Variants in BUD23 observed in about 807,000 individuals in gnomAD.
BUD23 encodes the protein BUD23 rRNA methyltransferase and ribosome maturation factor.
Under a neutral mutation model 47.0 loss-of-function variants are expected in BUD23, and 34 were observed. The ratio of observed to expected loss-of-function variants is 0.72; its 90% CI spans 0.55 to 0.96. The LOEUF is 0.96. Among genes scored for constraint, BUD23 ranks in the 40% least tolerant of loss-of-function variants. The probability of loss-of-function intolerance (pLI) is 0.00; values close to 1 mark genes in which losing one functional copy is unlikely to be tolerated. For missense variants in BUD23, 343 were observed against 361.2 expected, an observed-to-expected ratio of 0.95 and a Z score of 0.41; for synonymous variants, 124 against 132.0, an observed-to-expected ratio of 0.94 and a Z score of 0.41.
At chr7:73,686,591 C>T in intron 2 of BUD23, 45 bp from the exon 3 acceptor site, 2 of 1,567,216 alleles carry the variant, frequency 1.3e-6, no homozygotes, top group Non-Finnish European at 8.8e-7. Flanking sequence ...GAAGTATTCA[C>T]CCAGAACTCC....
intron 6 of BUD23, among the ~76,000 whole-genome samples, chr7:73,692,003 C>G (rs1352079477): frequency 7.9e-5 from 12 of 152,148 alleles, no homozygotes; most frequent in Admixed American, 7.2e-4. Context: ...ACCTGCCGAT[C>G]TGGCCACTGG....
intron 5 of BUD23, among the ~76,000 whole-genome samples, chr7:73,688,546 C>T (rs1369077547): frequency 2.0e-5 from 3 of 152,192 alleles, no homozygotes; most frequent in Admixed American, 6.5e-5. Context: ...CAACAGATAA[C>T]TGGTAGAGAG....
At chr7:73,686,136 T>G (rs1175398125) in intron 2 of BUD23, among the ~76,000 whole-genome samples, 1 of 152,064 alleles carries the variant, frequency 6.6e-6, no homozygotes, top group East Asian at 1.9e-4. Context: ...TTCTTTTACC[T>G]GTTTCTTTAA....
intron 10 of BUD23, chr7:73,696,293 G>A (rs1190166284): frequency 6.6e-6 from 1 of 152,088 alleles, no homozygotes; most frequent in Non-Finnish European, 1.5e-5. Context: ...TGGGGAGCTG[G>A]GACCCTTCTG....
Position 73,698,134 on chromosome 7 carries a change from GAGGA to G in BUD23, c.*250_*253del. Reference sequence around the variant, plus strand: ...AACATAATGAAACTTCCTTTCCAGGGAGGAAAAAAAAAAAAAAAAAAAGCTCTGA... The same window carrying G: ...AACATAATGAAACTTCCTTTCCAGGGAAAAAAAAAAAAAAAAAAGCTCTGA... On this transcript the variant is annotated 3_prime_UTR_variant, in exon 12 of 12. Coordinates refer to ENST00000265758, the MANE Select transcript of BUD23 (RefSeq NM_017528.5). The G allele has an allele frequency of 1.6e-5, 1 of 63,394 alleles. No homozygotes were observed. Among genetic ancestry groups the G allele is most frequent in the Non-Finnish European group, 3.4e-5 (1 of 29,438 alleles). The allele number at this position is 63,394 out of a possible 1,614,324, so 3.9% of individuals were successfully genotyped here.
At chr7:73,693,952 A>G in intron 9 of BUD23, 40 bp from the exon 10 acceptor site, 4 of 1,609,320 alleles carry the variant, frequency 2.5e-6, no homozygotes, top group Non-Finnish European at 3.4e-6. Flanking sequence ...ATGGTTTGAG[A>G]ACTCTCCAGG....
chr7:73,690,985 CT>C lies in BUD23; in HGVS notation c.438del (p.Phe146LeufsTer28), dbSNP rs782129505. 7 of 1,614,176 alleles carry C rather than the reference CT, an allele frequency of 4.3e-6. No individual in the cohort carries two copies. Among genetic ancestry groups the C allele is most frequent in the Non-Finnish European group, 5.9e-6 (7 of 1,180,034 alleles). On this transcript the variant is annotated frameshift_variant, in exon 6 of 12. Coordinates refer to ENST00000265758, the MANE Select transcript of BUD23 (RefSeq NM_017528.5). LOFTEE classifies it high-confidence loss of function. Reference sequence around the variant, plus strand: ...AAAACCCTGCCAAGCGCCTGTACTGCTTTTTTGCTTCTCTTTTTTCTGTTCT... The same window carrying C: ...AAAACCCTGCCAAGCGCCTGTACTGCTTTTTGCTTCTCTTTTTTCTGTTCT... ...SENPAKRLYCFFASLFSVLVR... is the reference protein window; with the variant it reads ...SENPAKRLYCXFASLFSVLVR...
chr7:73,693,264 A>T, intron 7 of BUD23, 65 bp from the exon 8 acceptor site: 1 of 1,400,788 alleles, frequency 7.1e-7, no homozygotes, highest in Non-Finnish European at 1.0e-6. Context: ...GAAGGAGGGG[A>T]GGGAGGTGAA....
intron 6 of BUD23, among the ~76,000 whole-genome samples, chr7:73,692,240 T>C (rs1798222783): frequency 6.6e-6 from 1 of 152,224 alleles, no homozygotes; most frequent in Non-Finnish European, 1.5e-5. Flanking sequence ...TCCTCCCTTA[T>C]ATGTTTAAAT....
intron 2 of BUD23, among the ~76,000 whole-genome samples, chr7:73,686,063 T>C (rs1470402001): frequency 6.7e-6 from 1 of 149,988 alleles, no homozygotes; most frequent in Non-Finnish European, 1.5e-5. Flanking sequence ...GCCACTGCAC[T>C]CCAGCCTGGG....
Position 73,690,350 on chromosome 7 carries a change from G to A in BUD23, c.363-566G>A, listed in dbSNP as rs536334820. 9.2e-5 allele frequency among the ~76,000 whole-genome samples: 14 copies of A among 152,248 alleles called. No individual in the cohort carries two copies. The South Asian group carries it at 2.9e-3, about 32-fold the overall frequency. ...GGGTTGTAAAGACACTTAACAGGTA[G>A]AGTGGAAGGGAGTGATTTAGGAGGA... is the stretch of plus-strand genomic sequence containing the variant. On this transcript the variant is annotated intron_variant, in intron 5 of 11. Coordinates refer to ENST00000265758, the MANE Select transcript of BUD23 (RefSeq NM_017528.5).
rs1554613160 is a variant in BUD23 at position 73,687,010 on chromosome 7, G to T, written c.277G>T (p.Asp93Tyr). Residue 93 changes from aspartate (D) to tyrosine (Y), a missense_variant, in exon 5 of 12, where the codon GAC (aspartate) becomes TAC (tyrosine). By Grantham distance (160) the Asp-to-Tyr change is radical. Coordinates refer to ENST00000265758, the MANE Select transcript of BUD23 (RefSeq NM_017528.5). ...ISPAMLDEAVDREIEGDLLLG... is the reference protein window; with the variant it reads ...ISPAMLDEAVYREIEGDLLLG... The stretch of plus-strand genomic sequence containing the variant: ...TTTCTCTAATGTAGATGAGGCTGTG[G>T]ACCGAGAGATAGAGGGAGACCTGCT... 3 of 1,614,184 alleles carry T rather than the reference G, an allele frequency of 1.9e-6. No homozygotes were observed. Among genetic ancestry groups the T allele is most frequent in the Non-Finnish European group, 2.5e-6 (3 of 1,180,038 alleles).
chr7:73,684,659 A>C (rs1487964304), intron 2 of BUD23, among the ~76,000 whole-genome samples: 1 of 148,328 alleles, frequency 6.7e-6, no homozygotes, highest in African/African-American at 2.5e-5. Context: ...GCGGTGTCTC[A>C]CGCCTGTAAT....
intron 2 of BUD23, among the ~76,000 whole-genome samples, chr7:73,685,553 G>A (rs1797932364): frequency 1.3e-5 from 2 of 152,242 alleles, no homozygotes; most frequent in Non-Finnish European, 2.9e-5. Context: ...CTACAGGCGC[G>A]CCTCCTCGCG....
At chr7:73,694,725 C>G (rs529393567) in intron 10 of BUD23, 2 of 152,448 alleles carry the variant, frequency 1.3e-5, no homozygotes, top group South Asian at 4.1e-4. Flanking sequence ...GCAGTGCGCT[C>G]CCTCCTTGAC....
intron 5 of BUD23, among the ~76,000 whole-genome samples, chr7:73,690,536 A>T (rs1416518876): frequency 6.6e-6 from 1 of 152,152 alleles, no homozygotes; most frequent in Non-Finnish European, 1.5e-5. Flanking sequence ...GTTTCTTGGG[A>T]CTATGGGACA....
intron 5 of BUD23, among the ~76,000 whole-genome samples, chr7:73,689,702 G>T (rs1798115371): frequency 6.6e-6 from 1 of 152,170 alleles, no homozygotes; most frequent in South Asian, 2.1e-4. Flanking sequence ...CGGAAGATGG[G>T]GTTGAGTGTG....
In BUD23 at chr7:73,686,745, G is replaced by T. The variant is rs1554613063; in HGVS notation, c.182+14G>T. The T allele has an allele frequency of 9.3e-6, 15 of 1,614,150 alleles. No individual in the cohort carries two copies. The highest frequency in any genetic ancestry group is 1.1e-5 in the Non-Finnish European group (13 of 1,179,992). On this transcript the variant is annotated intron_variant, in intron 3 of 11. Transcript: ENST00000265758. ...GCTGGATATTGGGTGAGATTCTGGG[G>T]CCTGGTTCAGATTGTCTAAGGTGGT... is the stretch of plus-strand genomic sequence containing the variant.
intron 5 of BUD23, among the ~76,000 whole-genome samples, chr7:73,688,649 A>G (rs145630957): frequency 7.4e-4 from 112 of 152,342 alleles, no homozygotes; most frequent in African/African-American, 2.5e-3. Flanking sequence ...TCAATAACAG[A>G]TCTTAGAATG....
Sources: gnomAD v4.1 joint callset for allele counts (sites outside exome capture counted in the v4.1 genomes callset) on GRCh38, gnomAD v4.1.1 for gene constraint, MANE v1.5 for transcripts, NCBI Gene and HGNC (gene_info 2026-07-23, HGNC 2026-07-21) for gene names.